Variants in FCHO2 observed in about 807,000 individuals in gnomAD.
The protein encoded by FCHO2 is F-BAR domain only protein 2.
In FCHO2, 43 loss-of-function variants were observed where a neutral mutation model predicts 114.1. The ratio of observed to expected loss-of-function variants is 0.38; its 90% confidence interval spans 0.30 to 0.49. FCHO2 has a LOEUF of 0.49. Among genes scored for constraint, FCHO2 ranks in the 20% least tolerant of loss-of-function variants. FCHO2 has a pLI of 0.97. For missense variants in FCHO2, 807 were observed against 950.4 expected, an observed-to-expected ratio of 0.85 and a Z score of 1.98; for synonymous variants, 293 against 315.2, an observed-to-expected ratio of 0.93 and a Z score of 0.75.
chr5:73,058,036 G>A (rs562815045), intron 16 of FCHO2, among the ~76,000 whole-genome samples: 15 of 151,908 alleles, frequency 9.9e-5, no homozygotes, highest in Admixed American at 2.0e-4. Flanking sequence ...TTACGGACGG[G>A]GTCTTGCTCT....
chr5:73,054,892 A>G, intron 15 of FCHO2, among the ~76,000 whole-genome samples: 1 of 152,272 alleles, frequency 6.6e-6, no homozygotes, highest in East Asian at 1.9e-4. Context: ...AATTTTACCT[A>G]TTTTTAAGTT....
intron 18 of FCHO2, among the ~76,000 whole-genome samples, chr5:73,065,533 GC>G (rs1742265207): frequency 6.6e-6 from 1 of 151,964 alleles, no homozygotes; most frequent in Non-Finnish European, 1.5e-5. Flanking sequence ...GAGTTTAGTT[GC>G]CTCATGGATA....
At position 73,087,620 on chromosome 5, in the gene FCHO2, T is replaced by C; in HGVS notation, c.2277T>C (p.Leu759=). ...GSGSLRAKFD[L]SEGPSKPTTL... Reference sequence around the variant, plus strand: ...GGTCCCTCCGAGCAAAATTTGATCTTTCAGAAGGACCTAGTAAACCCACGA... The same window carrying C: ...GGTCCCTCCGAGCAAAATTTGATCTCTCAGAAGGACCTAGTAAACCCACGA... The change falls in exon 25 of 26, where the codon CTT becomes CTC. Residue 759 remains leucine (L), a synonymous_variant. Transcript: ENST00000430046. The C allele has an allele frequency of 6.2e-7, 1 of 1,613,908 alleles. No individual in the cohort carries two copies. The highest frequency in any genetic ancestry group is 8.5e-7 in the Non-Finnish European group (1 of 1,179,826).
At chr5:73,075,030 A>G (rs891609028) in intron 20 of FCHO2, among the ~76,000 whole-genome samples, 177 bp downstream of exon 20, 6 of 152,156 alleles carry the variant, frequency 3.9e-5, no homozygotes, top group African/African-American at 9.7e-5. Flanking sequence ...ATTGCATTCA[A>G]TGTACATTCA....
At chr5:73,021,054 C>CA in intron 8 of FCHO2, 1 of 959,222 alleles carries the variant, frequency 1.0e-6, no homozygotes, top group Non-Finnish European at 1.7e-6. Flanking sequence ...GGAAGTTTAC[C>CA]TGGTCCTCTC....
chr5:73,079,260 T>G (rs897612331), intron 22 of FCHO2, among the ~76,000 whole-genome samples: 2 of 152,114 alleles, frequency 1.3e-5, no homozygotes, highest in Non-Finnish European at 2.9e-5. Context: ...CCACCGCTCC[T>G]GGCAAGAAAT....
chr5:73,085,609 T>C (rs1743273666), intron 24 of FCHO2, among the ~76,000 whole-genome samples: 3 of 150,100 alleles, frequency 2.0e-5, no homozygotes, highest in Non-Finnish European at 4.4e-5. Flanking sequence ...ACCCTGCCTC[T>C]ACTAAAAATA....
At chr5:73,023,977 A>G (rs1448541472) in intron 8 of FCHO2, among the ~76,000 whole-genome samples, 1 of 152,178 alleles carries the variant, frequency 6.6e-6, no homozygotes, top group African/African-American at 2.4e-5. Context: ...TTAGGTAATA[A>G]CTGTATATTA....
At chr5:73,019,069 A>G (rs1267729290) in intron 8 of FCHO2, among the ~76,000 whole-genome samples, 2 of 152,194 alleles carry the variant, frequency 1.3e-5, no homozygotes, top group Non-Finnish European at 2.9e-5. Context: ...AAGACCTGTA[A>G]TGCCACCTTA....
At position 73,006,460 on chromosome 5, in the gene FCHO2, A is replaced by G; in HGVS notation, c.511A>G (p.Lys171Glu). 1.3e-6 allele frequency: 2 copies of G among 1,532,108 alleles called. No homozygotes were observed. Among genetic ancestry groups the G allele is most frequent in the East Asian group, 2.4e-5 (1 of 41,962 alleles). The allele number at this position is 1,532,108 out of a possible 1,614,324, so 94.9% of individuals were successfully genotyped here. Residue 171 changes from lysine to glutamate, a missense_variant, in exon 6 of 26, where the codon AAG becomes GAG. Physicochemically the swap from Lys to Glu is moderately conservative, Grantham distance 56. Transcript: ENST00000430046. Reference protein sequence around the residue: ...REIEKAAVKSKKATDTYKLYV... With the variant: ...REIEKAAVKSEKATDTYKLYV... ...TTTATTACAGGCAGCTGTTAAATCT[A>G]AGAAAGCTACAGATACCTATAAACT... is the stretch of plus-strand genomic sequence containing the variant.
At chr5:73,041,251 A>G (rs769574922) in intron 10 of FCHO2, 40 bp from the exon 11 acceptor site, 2 of 1,330,612 alleles carry the variant, frequency 1.5e-6, no homozygotes, top group East Asian at 2.4e-5. Context: ...TTAGCAGACA[A>G]TTCTAATTAT....
At chr5:72,956,209 G>GCGC in intron 1 of FCHO2, 80 bp downstream of exon 1, 1 of 1,460,460 alleles carries the variant, frequency 6.8e-7, no homozygotes, top group Non-Finnish European at 9.2e-7. Flanking sequence ...TGCGCTTCGG[G>GCGC]CGGCGGCGGC....
At position 72,989,356 on chromosome 5, in the gene FCHO2, G is replaced by A. The variant is rs1009972501; in HGVS notation, c.126-71G>A. ...ATCTTTTTGTTTTGCACTTTTAATT[G>A]TATTTTGATAACTTTGCTGTTTTTG... On this transcript the variant is annotated intron_variant, in intron 2 of 25. Transcript: ENST00000430046. 30 of 1,119,568 alleles carry A rather than the reference G, an allele frequency of 2.7e-5. No homozygotes were observed. In the African/African-American group the frequency reaches 4.7e-4, roughly 18 times the overall value. The allele number at this position is 1,119,568 out of a possible 1,614,324, so 69.4% of individuals were successfully genotyped here. A position where few individuals can be genotyped will look rare whatever the true frequency, so the allele number is the denominator to read the frequency against.
chr5:73,060,185 T>C (rs1757790831), intron 17 of FCHO2, among the ~76,000 whole-genome samples: 1 of 152,054 alleles, frequency 6.6e-6, no homozygotes, highest in Non-Finnish European at 1.5e-5. Context: ...TTTCATTTAG[T>C]GGTCATTGAT....
At chr5:73,082,983 C>T (rs1466330575) in intron 24 of FCHO2, among the ~76,000 whole-genome samples, 158 bp downstream of exon 24, 1 of 152,042 alleles carries the variant, frequency 6.6e-6, no homozygotes, top group Non-Finnish European at 1.5e-5. Context: ...AAGCGATTCT[C>T]CTGCCTCAGA....
intron 2 of FCHO2, among the ~76,000 whole-genome samples, chr5:72,973,249 A>G (rs1025816165): frequency 3.6e-4 from 55 of 151,868 alleles, no homozygotes; most frequent in African/African-American, 1.3e-3. Context: ...CTCTTTTTCT[A>G]TTGATTGGAA....
rs534067242 is a variant in FCHO2, at chr5:73,022,200, G to A, written c.796+4892G>A. On this transcript the variant is annotated intron_variant, in intron 8 of 25. Transcript: ENST00000430046. ...TTGACCTTAAATGTGAACCTAAACT[G>A]ATGAACGATAACCTTTTTTCCCTGG... Among the ~76,000 whole-genome samples the A allele has an allele frequency of 2.0e-5, 3 of 152,266 alleles. No individual in the cohort carries two copies. In the South Asian group the frequency reaches 6.2e-4, roughly 32 times the overall value.
At chr5:72,978,907 A>G (rs1753028784) in intron 2 of FCHO2, among the ~76,000 whole-genome samples, 1 of 152,212 alleles carries the variant, frequency 6.6e-6, no homozygotes, top group African/African-American at 2.4e-5. Flanking sequence ...GTGATGGATT[A>G]CATTTATTGA....
intron 3 of FCHO2, 137 bp downstream of exon 3, chr5:72,989,638 T>C (rs1389808190): frequency 3.4e-6 from 2 of 582,474 alleles, no homozygotes; most frequent in African/African-American, 1.9e-5. Flanking sequence ...AATATTAATA[T>C]ATTCTTCACT....
Sources: allele counts gnomAD v4.1 joint callset (sites outside exome capture counted in the v4.1 genomes callset), GRCh38; gene constraint gnomAD v4.1.1; transcripts MANE v1.5; gene names NCBI Gene and HGNC (gene_info 2026-07-23, HGNC 2026-07-21).